Variants in CTNNA3 observed in about 807,000 individuals in gnomAD.
The protein encoded by CTNNA3 is catenin alpha-3.
In CTNNA3, 76 loss-of-function variants were observed where a neutral mutation model predicts 95.7. The ratio of observed to expected loss-of-function variants is 0.79; its 90% confidence interval spans 0.66 to 0.96. CTNNA3 has a LOEUF of 0.96. CTNNA3 is among the 40% of genes least tolerant of loss of function. The pLI is 0.00. For missense variants in CTNNA3, 1,191 were observed against 1,089.8 expected (o/e 1.09, Z -1.31); for synonymous variants, 431 against 374.4 (o/e 1.15, Z -1.74).
upstream of CTNNA3, among the ~76,000 whole-genome samples, chr10:67,699,268 C>T (rs912990736): frequency 1.3e-5 from 2 of 151,860 alleles, no homozygotes; most frequent in East Asian, 3.9e-4. Flanking sequence ...GTTCTCTGTG[C>T]CTTCATCATA....
At chr10:66,179,728 CTT>C (rs973651789) in intron 13 of CTNNA3, among the ~76,000 whole-genome samples, 8 of 151,848 alleles carry the variant, frequency 5.3e-5, no homozygotes, top group African/African-American at 1.9e-4. Context: ...CTACGGGAAA[CTT>C]ATACTGCTGT....
At chr10:67,004,255 A>G (rs796707798) in intron 7 of CTNNA3, among the ~76,000 whole-genome samples, 2 of 152,286 alleles carry the variant, frequency 1.3e-5, no homozygotes, top group African/African-American at 4.8e-5. Flanking sequence ...TTTTGCTTTA[A>G]AAGTCTGACT....
intron 10 of CTNNA3, among the ~76,000 whole-genome samples, chr10:66,588,280 C>T (rs76355526): frequency 1.4e-3 from 213 of 152,244 alleles, no homozygotes; most frequent in South Asian, 2.5e-3. Flanking sequence ...CACAGTTTTC[C>T]ATCTGGTTCA....
intron 10 of CTNNA3, among the ~76,000 whole-genome samples, chr10:66,613,369 C>T (rs1844395934): frequency 1.3e-5 from 2 of 152,012 alleles, no homozygotes; most frequent in South Asian, 2.1e-4. Context: ...CACTCCCTGC[C>T]CCTGCCTCAC....
At chr10:66,769,044 T>C (rs1839978377) in intron 8 of CTNNA3, among the ~76,000 whole-genome samples, 1 of 152,170 alleles carries the variant, frequency 6.6e-6, no homozygotes. Flanking sequence ...TTTACTACTC[T>C]GAGATATATG....
At chr10:66,705,735 T>C (rs6480208) in intron 9 of CTNNA3, among the ~76,000 whole-genome samples, 137,411 of 152,066 alleles carry the variant, frequency 0.9, 62,328 homozygotes, top group East Asian at 1. Context: ...TACTTTTTAT[T>C]ATGTTCTTTT....
At chr10:67,507,365 T>C (rs1839459635) in intron 5 of CTNNA3, among the ~76,000 whole-genome samples, 1 of 151,614 alleles carries the variant, frequency 6.6e-6, no homozygotes, top group Non-Finnish European at 1.5e-5. Context: ...CAGTCTCTAC[T>C]AAAAATACAA....
At chr10:66,439,004 C>T (rs1008762775) in intron 11 of CTNNA3, among the ~76,000 whole-genome samples, 7 of 152,078 alleles carry the variant, frequency 4.6e-5, no homozygotes, top group Non-Finnish European at 7.4e-5. Context: ...TGCTTCGGGT[C>T]ACCCTCCATG....
At chr10:66,703,948 A>C (rs1281669493) in intron 9 of CTNNA3, among the ~76,000 whole-genome samples, 1 of 152,152 alleles carries the variant, frequency 6.6e-6, no homozygotes, top group Admixed American at 6.6e-5. Flanking sequence ...AATCTTTAAA[A>C]ATGTAATATC....
chr10:66,881,791 A>G (rs1237469923), intron 7 of CTNNA3, among the ~76,000 whole-genome samples: 1 of 151,866 alleles, frequency 6.6e-6, no homozygotes, highest in Non-Finnish European at 1.5e-5. Context: ...CTCACATGGA[A>G]ACTAAATTCA....
chr10:67,551,537 C>A (rs1841033150), intron 3 of CTNNA3, among the ~76,000 whole-genome samples: 1 of 152,318 alleles, frequency 6.6e-6, no homozygotes, highest in East Asian at 1.9e-4. Context: ...GCAGGGGTCT[C>A]ATTGAGCTAA....
At chr10:67,167,029 C>A (rs1349767422) in intron 7 of CTNNA3, among the ~76,000 whole-genome samples, 1 of 152,066 alleles carries the variant, frequency 6.6e-6, no homozygotes, top group Non-Finnish European at 1.5e-5. Flanking sequence ...ATCACTTGAA[C>A]CCAGGAGGCA....
At chr10:67,141,483 C>T (rs1240124585) in intron 7 of CTNNA3, among the ~76,000 whole-genome samples, 5 of 152,244 alleles carry the variant, frequency 3.3e-5, no homozygotes, top group East Asian at 3.9e-4. Flanking sequence ...TGGTCATGTA[C>T]GGTAATACCC....
chr10:66,073,983 C>T (rs762241980), intron 14 of CTNNA3, among the ~76,000 whole-genome samples: 2 of 152,028 alleles, frequency 1.3e-5, no homozygotes, highest in Non-Finnish European at 2.9e-5. Context: ...TACAGACACT[C>T]GGAAGCCTCC....
chr10:67,040,890 A>T (rs574472148), intron 7 of CTNNA3, among the ~76,000 whole-genome samples: 2 of 152,250 alleles, frequency 1.3e-5, no homozygotes, highest in South Asian at 4.1e-4. Flanking sequence ...AAAGAGACAA[A>T]GATAAAAAAG....
At chr10:67,526,701 A>G (rs979900598) in intron 4 of CTNNA3, among the ~76,000 whole-genome samples, 1 of 152,242 alleles carries the variant, frequency 6.6e-6, no homozygotes, top group Non-Finnish European at 1.5e-5. Context: ...AAAACAAAAG[A>G]GAAACAACTC....
intron 5 of CTNNA3, among the ~76,000 whole-genome samples, chr10:67,450,828 G>GA (rs1846952442): frequency 6.6e-6 from 1 of 151,452 alleles, no homozygotes; most frequent in Admixed American, 6.6e-5. Flanking sequence ...ACAACTTTAT[G>GA]AAAAAAAGAC....
chr10:67,755,802 C>CAAAAAAAAA (rs201336788), intron 1 of CTNNA3, among the ~76,000 whole-genome samples: 2 of 58,730 alleles, frequency 3.4e-5, no homozygotes, highest in South Asian at 5.3e-4. Context: ...GTCTCTGCCT[C>CAAAAAAAAA]AAAAAAAAAA....
chr10:67,700,371 AC>A (rs1279185456), upstream of CTNNA3, among the ~76,000 whole-genome samples: 1 of 151,790 alleles, frequency 6.6e-6, no homozygotes, highest in Non-Finnish European at 1.5e-5. Context: ...ACTGGGAGGC[AC>A]CCCCCAGTAG....
Sources: gnomAD v4.1 joint callset for allele counts (sites outside exome capture counted in the v4.1 genomes callset) on GRCh38, gnomAD v4.1.1 for gene constraint, MANE v1.5 for transcripts, NCBI Gene and HGNC (gene_info 2026-07-23, HGNC 2026-07-21) for gene names.